The following MCTP2 variants were observed in gnomAD, a reference collection of about 807,000 sequenced individuals.
MCTP2 encodes the protein multiple C2 and transmembrane domain containing 2, also known as multiple C2 and transmembrane domain-containing protein 2.
In MCTP2, 132 loss-of-function variants were observed where a neutral mutation model predicts 111.6. The ratio of observed to expected loss-of-function variants is 1.18; its 90% CI spans 1.03 to 1.37. MCTP2 has a LOEUF of 1.37. Ranked by LOEUF, MCTP2 falls within the 40% of genes most tolerant of loss-of-function variation. The pLI is 0.00. For missense variants in MCTP2, 1,183 were observed against 1,067.9 expected, an observed-to-expected ratio of 1.11 and a Z score of -1.50; for synonymous variants, 395 against 387.7, an observed-to-expected ratio of 1.02 and a Z score of -0.22.
intron 20 of MCTP2, among the ~76,000 whole-genome samples, chr15:94,469,707 A>G (rs1267414278): frequency 2.0e-5 from 3 of 151,960 alleles, no homozygotes; most frequent in Non-Finnish European, 2.9e-5. Context: ...GAGCTCTACA[A>G]AAATTTTCAA....
rs561581740 is a variant in MCTP2 at position 94,245,724 on chromosome 15, A to G, written c.-66+14060A>G. 4.8e-5 allele frequency among the ~76,000 whole-genome samples: 7 copies of G among 145,534 alleles called. No individual in the cohort carries two copies. In the Middle Eastern group the frequency reaches 0.011, roughly 226 times the overall value. On this transcript the variant is annotated intron_variant, in intron 1 of 22. Transcript: ENST00000357742. ...TATATGTGTGTGTGTGTGTATATATATATATATATATCTATATAGACAAAA... is the reference window on the plus strand; with the variant it reads ...TATATGTGTGTGTGTGTGTATATATGTATATATATATCTATATAGACAAAA...
Position 94,443,045 on chromosome 15 carries a change from CTCTTT to C in MCTP2, c.2250+87_2250+91del. On this transcript the variant is annotated intron_variant, in intron 19 of 22. Transcript: ENST00000357742. The stretch of plus-strand genomic sequence containing the variant: ...TTCCTTCAGGTTGAGTCTCTCTCCT[CTCTTT>C]TTTTTTTTTTTTTTAATATGATAGA... 1.6e-5 allele frequency: 14 copies of C among 849,490 alleles called. No homozygotes were observed. The African/African-American group carries it at 2.4e-4, about 14-fold the overall frequency. The allele number at this position is 849,490 out of a possible 1,614,324, so 52.6% of individuals were successfully genotyped here. A position where few individuals can be genotyped will look rare whatever the true frequency, so the allele number is the denominator to read the frequency against.
intron 4 of MCTP2, 117 bp downstream of exon 4, chr15:94,315,754 T>C: frequency 1.4e-6 from 1 of 689,920 alleles, no homozygotes; most frequent in Admixed American, 2.5e-5. Flanking sequence ...AGACAGTGGC[T>C]CAAATCTAAG....
intron 1 of MCTP2, among the ~76,000 whole-genome samples, chr15:94,265,534 T>C (rs1469073242): frequency 6.6e-6 from 1 of 152,220 alleles, no homozygotes; most frequent in East Asian, 1.9e-4. Flanking sequence ...ATATAAGATA[T>C]ACACTACTGT....
chr15:94,278,921 T>C (rs796912817), intron 1 of MCTP2, among the ~76,000 whole-genome samples: 10 of 152,272 alleles, frequency 6.6e-5, no homozygotes, highest in African/African-American at 2.4e-4. Flanking sequence ...TTGCTTGTTA[T>C]TGTCGAAGTT....
intron 19 of MCTP2, among the ~76,000 whole-genome samples, chr15:94,446,983 G>C (rs1173612347): frequency 6.6e-6 from 1 of 152,176 alleles, no homozygotes; most frequent in Non-Finnish European, 1.5e-5. Flanking sequence ...TATTATAATG[G>C]AAGGATACAA....
rs2076898174 is a variant in MCTP2, at chr15:94,326,815, C to G, written c.637+11178C>G. Among the ~76,000 whole-genome samples, 2 of 51,988 alleles carry G rather than the reference C, an allele frequency of 3.8e-5. 1 individual carries two copies. The highest frequency in any genetic ancestry group is 2.0e-3 in the South Asian group (2 of 980). 34.1% of individuals were successfully genotyped at this position (51,988 alleles called of 152,430 possible). A position where few individuals can be genotyped will look rare whatever the true frequency, so the allele number is the denominator to read the frequency against. ...ACTCTTGACCTCAGGTGATCCCCGC[C>G]CCACCCCCCCCCAACCTCGGCCTCC... On this transcript the variant is annotated intron_variant, in intron 4 of 22. Coordinates refer to ENST00000357742, the MANE Select transcript of MCTP2 (RefSeq NM_001385001.1).
At chr15:94,382,593 G>T (rs1335788226) in intron 12 of MCTP2, among the ~76,000 whole-genome samples, 1 of 152,230 alleles carries the variant, frequency 6.6e-6, no homozygotes, top group East Asian at 1.9e-4. Flanking sequence ...ACAGGCTCCT[G>T]CAAGTATCAG....
At chr15:94,475,493 AC>A (rs1386677839) in intron 21 of MCTP2, among the ~76,000 whole-genome samples, 3 of 152,018 alleles carry the variant, frequency 2.0e-5, no homozygotes, top group African/African-American at 7.3e-5. Flanking sequence ...AAAAAATCAA[AC>A]CCTTTGTGTG....
At chr15:94,430,382 C>A (rs1237019623) in intron 17 of MCTP2, among the ~76,000 whole-genome samples, 59 of 135,286 alleles carry the variant, frequency 4.4e-4, no homozygotes, top group South Asian at 2.4e-4. Flanking sequence ...ACAAAAAAAA[C>A]CCAAAAACAA....
intron 19 of MCTP2, among the ~76,000 whole-genome samples, chr15:94,451,192 G>C (rs1450994342): frequency 6.6e-6 from 1 of 152,036 alleles, no homozygotes; most frequent in Non-Finnish European, 1.5e-5. Flanking sequence ...AATGAAAAAT[G>C]GTGGGCTTGT....
intron 1 of MCTP2, among the ~76,000 whole-genome samples, chr15:94,244,872 A>C (rs912604654): frequency 2.7e-5 from 4 of 145,796 alleles, no homozygotes; most frequent in Non-Finnish European, 4.6e-5. Flanking sequence ...ATATGCACCT[A>C]TGTTTATATA....
chr15:94,288,331 A>T (rs138211202), intron 1 of MCTP2, among the ~76,000 whole-genome samples: 1 of 152,222 alleles, frequency 6.6e-6, no homozygotes, highest in Admixed American at 6.5e-5. Context: ...TCATGGACTC[A>T]TCCATAGCCT....
At chr15:94,243,293 GCATATATACATACATA>G (rs1567250705) in intron 1 of MCTP2, among the ~76,000 whole-genome samples, 9 of 143,344 alleles carry the variant, frequency 6.3e-5, no homozygotes, top group African/African-American at 2.1e-4. Context: ...ATGCGTATAT[GCATATATACATACATA>G]CGTATGCGTA....
At chr15:94,474,261 C>T (rs1383802808) in intron 21 of MCTP2, among the ~76,000 whole-genome samples, 3 of 152,092 alleles carry the variant, frequency 2.0e-5, no homozygotes, top group African/African-American at 7.2e-5. Flanking sequence ...GTATTAAAGG[C>T]TCTTTTCCAT....
chr15:94,426,313 A>G (rs1427602694), intron 17 of MCTP2, among the ~76,000 whole-genome samples: 4 of 152,090 alleles, frequency 2.6e-5, no homozygotes, highest in Admixed American at 6.5e-5. Context: ...CTCTTTCTGG[A>G]TATCAGATTT....
chr15:94,264,617 GA>G (rs146502224), intron 1 of MCTP2, among the ~76,000 whole-genome samples: 84 of 150,956 alleles, frequency 5.6e-4, no homozygotes, highest in African/African-American at 1.9e-3. Context: ...TCTCAAAAAA[GA>G]AAAAAAAATT....
chr15:94,362,163 T>C (rs1443167160), intron 10 of MCTP2, among the ~76,000 whole-genome samples: 1 of 152,136 alleles, frequency 6.6e-6, no homozygotes, highest in Non-Finnish European at 1.5e-5. Context: ...CAAAAAAGCA[T>C]CTGATCTTAG....
At chr15:94,464,257 T>TATATTATATATATATATATATATATTA (rs4001978) in intron 20 of MCTP2, among the ~76,000 whole-genome samples, 1 of 44,966 alleles carries the variant, frequency 2.2e-5, no homozygotes, top group African/African-American at 6.0e-5. Context: ...TATATATATA[T>TATATTATATATATATATATATATATTA]TATATATATA....
Sources: gnomAD v4.1 joint callset for allele counts (sites outside exome capture counted in the v4.1 genomes callset) on GRCh38, gnomAD v4.1.1 for gene constraint, MANE v1.5 for transcripts, NCBI Gene and HGNC (gene_info 2026-07-23, HGNC 2026-07-21) for gene names.